C6: variants seen among roughly 807,000 people sequenced by gnomAD.
C6 encodes complement component C6.
A neutral mutation model predicts 112.9 loss-of-function variants in C6; 101 were observed. That is an observed-to-expected ratio of 0.89 (90% CI 0.76 to 1.06). The LOEUF (loss-of-function observed/expected upper bound fraction) is 1.06. Among genes scored for constraint, C6 ranks in the 50% least tolerant of loss-of-function variants. C6 has a pLI of 0.00. For synonymous variants in C6, 431 were observed against 384.1 expected (o/e 1.12, Z -1.43); for missense variants, 1,202 against 1,104.6 (o/e 1.09, Z -1.25).
chr5:41,215,149 G>C (rs2962292), upstream of C6, among the ~76,000 whole-genome samples: 6 of 151,600 alleles, frequency 4.0e-5, no homozygotes, highest in African/African-American at 1.4e-4. Context: ...TGTAAATAAC[G>C]TTTTATAGGA....
At chr5:41,152,957 A>G (rs1452113075) in intron 15 of C6, 1 of 152,268 alleles carries the variant, frequency 6.6e-6, no homozygotes, top group Non-Finnish European at 1.5e-5. Flanking sequence ...ACCTCCCAGC[A>G]CAGGAGCAAC....
chr5:41,196,109 C>T (rs1750599248), intron 4 of C6, among the ~76,000 whole-genome samples, 176 bp from the exon 5 acceptor site: 1 of 152,126 alleles, frequency 6.6e-6, no homozygotes, highest in Admixed American at 6.6e-5. Context: ...TAAATTTCCA[C>T]TTGTAAGATT....
In C6 at chr5:41,143,013, T is replaced by TGA. The variant is rs752102682; in HGVS notation, c.2624-9_2624-8dup. 153 of 1,609,426 alleles carry TGA rather than the reference T, an allele frequency of 9.5e-5. No individual in the cohort carries two copies. In the East Asian group the frequency reaches 1.7e-3, roughly 18 times the overall value. On this transcript the variant is annotated splice_region_variant and splice_polypyrimidine_tract_variant and intron_variant, in intron 17 of 17. Coordinates refer to ENST00000337836, the MANE Select transcript of C6 (RefSeq NM_000065.5). Reference sequence around the variant, plus strand: ...ACACATTTGGAAGTGGAGGCTGTAATGAGAGAGAGAGAGACAGTGTGACTT... The same window carrying TGA: ...ACACATTTGGAAGTGGAGGCTGTAATGAGAGAGAGAGAGAGACAGTGTGACTT...
Position 41,159,245 on chromosome 5 carries a change from C to G in C6, c.1693G>C (p.Asp565His), listed in dbSNP as rs1312564982. ...GAAGACCAACAACCCCACTGTCCGT[C>G]TACTGCATCTGGAACAAAGGAAGAC... ...QSPDYKSNAV[D>H]GQWGCWSSWS... The change falls in exon 12 of 18, where the codon GAC (aspartate) becomes CAC (histidine). Residue 565 changes from aspartate to histidine, a missense_variant. By Grantham distance (81) the Asp-to-His change is moderately conservative (BLOSUM62 -1). Transcript: ENST00000337836. 5 of 1,612,974 alleles carry G rather than the reference C, an allele frequency of 3.1e-6. No homozygotes were observed. The highest frequency in any genetic ancestry group is 2.7e-5 in the African/African-American group (2 of 74,836).
chr5:41,230,939 A>T (rs1368646885), intron 1 of C6, among the ~76,000 whole-genome samples: 1 of 152,144 alleles, frequency 6.6e-6, no homozygotes, highest in Non-Finnish European at 1.5e-5. Flanking sequence ...TTCTATTGTT[A>T]TATCTTTTTG....
At chr5:41,236,315 C>G (rs1305219324) in intron 1 of C6, among the ~76,000 whole-genome samples, 2 of 141,144 alleles carry the variant, frequency 1.4e-5, no homozygotes, top group African/African-American at 5.3e-5. Context: ...GTTTTCCCAG[C>G]ACCATTTATT....
chr5:41,236,359 C>G (rs1419749431), intron 1 of C6, among the ~76,000 whole-genome samples: 5 of 150,056 alleles, frequency 3.3e-5, no homozygotes, highest in Middle Eastern at 3.4e-3. Flanking sequence ...GCTTGTTTTT[C>G]TCAGGTTTGT....
At chr5:41,249,367 C>G (rs1337307615) in intron 1 of C6, among the ~76,000 whole-genome samples, 2 of 151,662 alleles carry the variant, frequency 1.3e-5, no homozygotes, top group African/African-American at 2.4e-5. Flanking sequence ...TCTTTTTTTC[C>G]CAATAGTTAA....
rs752930642 is a variant in C6, at chr5:41,149,438, T to C, written c.2426A>G (p.Asp809Gly). The C allele has an allele frequency of 3.7e-6, 6 of 1,613,952 alleles. No individual in the cohort carries two copies. The South Asian group carries it at 4.4e-5, about 12-fold the overall frequency. The change falls in exon 17 of 18, where the codon GAT becomes GGT. Residue 809 changes from aspartate to glycine, a missense_variant. Coordinates refer to ENST00000337836, the MANE Select transcript of C6 (RefSeq NM_000065.5). ...CTTACAAGCGGGTGAAGTAAAGTAA[T>C]CGTTGGAGTCTGTGTCAAACACACA... is the stretch of plus-strand genomic sequence containing the variant. ...DLCVFDTDSN[D>G]YFTSPACKFL...
intron 1 of C6, among the ~76,000 whole-genome samples, chr5:41,232,260 G>A (rs546891822): frequency 6.6e-6 from 1 of 152,134 alleles, no homozygotes; most frequent in African/African-American, 2.4e-5. Context: ...CTTGAGTTGT[G>A]GCCGTCTTAG....
chr5:41,148,119 T>C (rs1359075485), intron 17 of C6, among the ~76,000 whole-genome samples: 1 of 152,246 alleles, frequency 6.6e-6, no homozygotes, highest in Non-Finnish European at 1.5e-5. Flanking sequence ...ATCTGAAGGA[T>C]GTAATCTTAG....
At chr5:41,218,719 T>C (rs1408798336) in intron 1 of C6, among the ~76,000 whole-genome samples, 1 of 151,938 alleles carries the variant, frequency 6.6e-6, no homozygotes, top group East Asian at 1.9e-4. Flanking sequence ...TGTGCCAGGG[T>C]TGGGGAGTGG....
intron 9 of C6, among the ~76,000 whole-genome samples, chr5:41,162,634 A>G (rs944771149): frequency 6.6e-6 from 1 of 152,226 alleles, no homozygotes; most frequent in Non-Finnish European, 1.5e-5. Context: ...AGTAGCAAAT[A>G]AAAAGAAGGC....
At chr5:41,229,817 A>G (rs1739774027) in intron 1 of C6, among the ~76,000 whole-genome samples, 1 of 152,012 alleles carries the variant, frequency 6.6e-6, no homozygotes, top group Non-Finnish European at 1.5e-5. Context: ...TTATTCTTTC[A>G]GTTCTGTTAA....
chr5:41,213,631 G>T (rs1418095852), upstream of C6: 1 of 795,670 alleles, frequency 1.3e-6, no homozygotes, highest in Non-Finnish European at 1.5e-6. Context: ...CTGGGTGTTG[G>T]ATGTTACACA....
At chr5:41,231,086 A>G (rs140470651) in intron 1 of C6, among the ~76,000 whole-genome samples, 2 of 152,238 alleles carry the variant, frequency 1.3e-5, no homozygotes, top group East Asian at 1.9e-4. Flanking sequence ...GCATCTTTAA[A>G]GCTAAAGTGA....
chr5:41,171,153 C>T (rs1452563810), intron 9 of C6, among the ~76,000 whole-genome samples: 2 of 152,034 alleles, frequency 1.3e-5, no homozygotes, highest in Non-Finnish European at 2.9e-5. Flanking sequence ...GTTTTATATC[C>T]ATGGAAATAA....
At chr5:41,250,139 G>T (rs549829163) in intron 1 of C6, among the ~76,000 whole-genome samples, 1 of 152,132 alleles carries the variant, frequency 6.6e-6, no homozygotes, top group Non-Finnish European at 1.5e-5. Context: ...ATGTGGCTCC[G>T]GCTTTGCAGC....
rs1303507244 is a variant in C6, at chr5:41,175,929, C to T, written c.1168+546G>A. 2.0e-5 allele frequency among the ~76,000 whole-genome samples: 3 copies of T among 152,280 alleles called. No homozygotes were observed. The East Asian group carries it at 5.8e-4, about 29-fold the overall frequency. On this transcript the variant is annotated intron_variant, in intron 8 of 17. Coordinates refer to ENST00000337836, the MANE Select transcript of C6 (RefSeq NM_000065.5). Reference sequence around the variant, plus strand: ...TTGCATTTAGTTTCAGGTTTCATCACCAGTAAGTGCTCATCTGGCCCACTC... The same window carrying T: ...TTGCATTTAGTTTCAGGTTTCATCATCAGTAAGTGCTCATCTGGCCCACTC...
Sources: allele counts gnomAD v4.1 joint callset (sites outside exome capture counted in the v4.1 genomes callset), GRCh38; gene constraint gnomAD v4.1.1; transcripts MANE v1.5; gene names NCBI Gene and HGNC (gene_info 2026-07-23, HGNC 2026-07-21).